RBMS3: variants seen among roughly 807,000 people sequenced by gnomAD.
RBMS3 encodes the protein RNA binding motif single stranded interacting protein 3.
Under a neutral mutation model 66.8 loss-of-function variants are expected in RBMS3, and 27 were observed. The observed-to-expected ratio is 0.40, with a 90% confidence interval of 0.30 to 0.56. The LOEUF is 0.56. RBMS3 is among the 20% of genes least tolerant of loss of function. RBMS3 has a pLI of 0.40. For synonymous variants in RBMS3, 188 were observed against 183.0 expected (o/e 1.03, Z -0.22); for missense variants, 513 against 549.5 (o/e 0.93, Z 0.66).
rs79149031 is a variant in RBMS3, at chr3:29,362,847, A to G, written c.76-71896A>G. Among the ~76,000 whole-genome samples the G allele has an allele frequency of 4.9e-3, 740 of 152,234 alleles. 15 individuals are homozygous for G. The South Asian group carries it at 0.058, about 12-fold the overall frequency. ...CGAATCTATTCCCTGGCAAAAGTAA[A>G]CTCCATTGTATTCCTGTTCTTTAGT... On this transcript the variant is annotated intron_variant, in intron 1 of 14. Coordinates refer to ENST00000383767, the MANE Select transcript of RBMS3 (RefSeq NM_001003793.3).
rs74958838 is a variant in RBMS3 at position 29,949,338 on chromosome 3, T to G, written c.1098+5084T>G. ...TTTGCAAGCCATACAGTCTGTGTCA[T>G]AACTATTCAACTCTGCCACTGTAGC... On this transcript the variant is annotated intron_variant, in intron 12 of 14. Transcript: ENST00000383767. Among the ~76,000 whole-genome samples the G allele has an allele frequency of 9.1e-3, 1,383 of 151,896 alleles. 75 individuals carry two copies. In the East Asian group the frequency reaches 0.17, roughly 19 times the overall value.
chr3:29,621,717 T>G (rs2048870485), intron 4 of RBMS3, among the ~76,000 whole-genome samples: 1 of 152,038 alleles, frequency 6.6e-6, no homozygotes, highest in Non-Finnish European at 1.5e-5. Flanking sequence ...GGTTCAAGCA[T>G]GCTACTTTGT....
chr3:29,515,793 A>G (rs1464589240), intron 3 of RBMS3, among the ~76,000 whole-genome samples: 2 of 152,232 alleles, frequency 1.3e-5, no homozygotes, highest in Admixed American at 6.5e-5. Context: ...CAGGAAGACC[A>G]GGAAGGCTAA....
chr3:29,917,626 G>A (rs1475025986), intron 10 of RBMS3, among the ~76,000 whole-genome samples: 3 of 151,998 alleles, frequency 2.0e-5, no homozygotes, highest in Non-Finnish European at 2.9e-5. Flanking sequence ...GTGTGTGCAT[G>A]CATTTGGTGG....
At chr3:29,321,686 G>T (rs1163227559) in intron 1 of RBMS3, among the ~76,000 whole-genome samples, 1 of 152,058 alleles carries the variant, frequency 6.6e-6, no homozygotes, top group Non-Finnish European at 1.5e-5. Context: ...TATACTTCTT[G>T]CATTTTAACA....
chr3:29,540,929 G>A (rs2149011099), intron 3 of RBMS3, among the ~76,000 whole-genome samples: 1 of 152,272 alleles, frequency 6.6e-6, no homozygotes, highest in African/African-American at 2.4e-5. Flanking sequence ...TTTTCGGGAA[G>A]TGTTTCCCTA....
intron 3 of RBMS3, among the ~76,000 whole-genome samples, chr3:29,502,802 C>G (rs530521325): frequency 6.6e-6 from 1 of 152,202 alleles, no homozygotes; most frequent in African/African-American, 2.4e-5. Flanking sequence ...GGGAAAATAG[C>G]CTCAGAATTA....
intron 10 of RBMS3, among the ~76,000 whole-genome samples, chr3:29,924,065 G>A (rs966629493): frequency 6.6e-6 from 1 of 152,120 alleles, no homozygotes; most frequent in Non-Finnish European, 1.5e-5. Flanking sequence ...GCAAATAAAT[G>A]CCGAATATTC....
intron 4 of RBMS3, among the ~76,000 whole-genome samples, chr3:29,606,563 A>G (rs930666941): frequency 6.6e-6 from 1 of 151,964 alleles, no homozygotes; most frequent in African/African-American, 2.4e-5. Context: ...ATCCATGAGA[A>G]GCTGTCATGT....
intron 5 of RBMS3, among the ~76,000 whole-genome samples, chr3:29,746,054 C>G (rs949605888): frequency 6.6e-6 from 1 of 152,054 alleles, no homozygotes; most frequent in African/African-American, 2.4e-5. Context: ...ACTTCTTGTT[C>G]TCTTCTTCCA....
intron 2 of RBMS3, among the ~76,000 whole-genome samples, chr3:29,476,522 TAGTATAGTTCCACA>T (rs2042952965): frequency 6.6e-6 from 1 of 152,204 alleles, no homozygotes; most frequent in Admixed American, 6.5e-5. Context: ...ATGGGCTCCC[TAGTATAGTTCCACA>T]AGGATTGATC....
intron 12 of RBMS3, among the ~76,000 whole-genome samples, chr3:29,987,082 A>G (rs1173614728): frequency 6.6e-6 from 1 of 152,338 alleles, no homozygotes; most frequent in South Asian, 2.1e-4. Context: ...GCTTTTTCAT[A>G]TTGATACATG....
chr3:29,952,007 C>T (rs1344943245), intron 12 of RBMS3, among the ~76,000 whole-genome samples: 1 of 151,692 alleles, frequency 6.6e-6, no homozygotes, highest in Non-Finnish European at 1.5e-5. Flanking sequence ...CTTTGCTACA[C>T]TTATAACTTA....
At chr3:29,481,124 C>T (rs1312991882) in intron 2 of RBMS3, among the ~76,000 whole-genome samples, 1 of 152,146 alleles carries the variant, frequency 6.6e-6, no homozygotes, top group East Asian at 1.9e-4. Flanking sequence ...GACATAGTGC[C>T]TCCCTCATGG....
intron 12 of RBMS3, among the ~76,000 whole-genome samples, chr3:29,955,167 CTTGAGAGGAGACCTAAAATT>C (rs879321933): frequency 6.6e-6 from 1 of 151,934 alleles, no homozygotes; most frequent in Non-Finnish European, 1.5e-5. Flanking sequence ...CTGGCCTCTG[CTTGAGAGGAGACCTAAAATT>C]TCTCTGACAG....
chr3:29,475,309 C>T (rs1428751051), intron 2 of RBMS3, among the ~76,000 whole-genome samples: 7 of 150,104 alleles, frequency 4.7e-5, no homozygotes, highest in African/African-American at 1.7e-4. Flanking sequence ...AGTGCAATGG[C>T]GTGATCTTGT....
At chr3:29,527,359 C>T (rs1214368072) in intron 3 of RBMS3, among the ~76,000 whole-genome samples, 1 of 152,000 alleles carries the variant, frequency 6.6e-6, no homozygotes, top group Non-Finnish European at 1.5e-5. Flanking sequence ...GAATTTAGGC[C>T]ATTCTTTTCA....
At chr3:29,624,601 G>A (rs1354955846) in intron 4 of RBMS3, among the ~76,000 whole-genome samples, 2 of 152,068 alleles carry the variant, frequency 1.3e-5, no homozygotes, top group African/African-American at 4.8e-5. Context: ...GGCAGTAAGA[G>A]AAAAGAGCAA....
chr3:29,442,930 C>A (rs1474474621), intron 2 of RBMS3, among the ~76,000 whole-genome samples: 1 of 151,972 alleles, frequency 6.6e-6, no homozygotes, highest in Non-Finnish European at 1.5e-5. Flanking sequence ...GGAGATTGGA[C>A]CCCTCTTTTC....
Sources: allele counts gnomAD v4.1 joint callset (sites outside exome capture counted in the v4.1 genomes callset), GRCh38; gene constraint gnomAD v4.1.1; transcripts MANE v1.5; gene names NCBI Gene and HGNC (gene_info 2026-07-23, HGNC 2026-07-21).